Variants in GATA4 observed in about 807,000 individuals in gnomAD.
GATA4 encodes the protein GATA binding protein 4.
GATA4 carries 7 observed loss-of-function variants against 37.9 expected under a neutral mutation model. The observed-to-expected ratio is 0.18, with a 90% CI of 0.11 to 0.35. GATA4 has a LOEUF of 0.35. GATA4 is among the 10% of genes least tolerant of loss of function. The pLI is 1.00. For synonymous variants in GATA4, 372 were observed against 292.6 expected (o/e 1.27, Z -2.77); for missense variants, 647 against 653.0 (o/e 0.99, Z 0.10).
intron 1 of GATA4, among the ~76,000 whole-genome samples, chr8:11,682,563 G>GT (rs1304677614): frequency 2.0e-5 from 3 of 151,852 alleles, no homozygotes; most frequent in Admixed American, 2.0e-4. Context: ...CTTGTAAGAA[G>GT]TTTTTTTCCC....
chr8:11,747,618 G>T (rs1585682106), intron 2 of GATA4, among the ~76,000 whole-genome samples: 1 of 152,202 alleles, frequency 6.6e-6, no homozygotes, highest in African/African-American at 2.4e-5. Context: ...CAAATTCCAA[G>T]AACTGAAAAA....
In GATA4 at chr8:11,708,036, T is replaced by TG; in HGVS notation, c.-273dup. ...ATAGGTGCGCCGGACCTTCAGGCCC[T>TG]GGGGTGAATTCAGCTGCTCCTACAT... is the stretch of plus-strand genomic sequence containing the variant. On this transcript the variant is annotated 5_prime_UTR_variant, in exon 2 of 7. Transcript: ENST00000532059. The surrounding 1 kb of genome is among the most constrained non-coding windows in gnomAD (Gnocchi z 6.7). 1 of 489,586 alleles carries TG rather than the reference T, an allele frequency of 2.0e-6. No homozygotes were observed. Among genetic ancestry groups the TG allele is most frequent in the Non-Finnish European group, 3.8e-6 (1 of 263,598 alleles). The allele number at this position is 489,586 out of a possible 1,614,324, so 30.3% of individuals were successfully genotyped here.
intron 4 of GATA4, among the ~76,000 whole-genome samples, chr8:11,751,431 A>G (rs960875471): frequency 5.3e-5 from 8 of 152,236 alleles, no homozygotes; most frequent in Non-Finnish European, 1.2e-4. Flanking sequence ...ATATATACGT[A>G]CATGGGGTGC....
chr8:11,714,451 C>G (rs1203095279), intron 2 of GATA4, among the ~76,000 whole-genome samples: 1 of 152,128 alleles, frequency 6.6e-6, no homozygotes, highest in Non-Finnish European at 1.5e-5. Context: ...GCTTTCAAAG[C>G]CGGTTCATTT....
At chr8:11,727,694 A>G (rs1371455619) in intron 2 of GATA4, among the ~76,000 whole-genome samples, 2 of 152,012 alleles carry the variant, frequency 1.3e-5, no homozygotes, top group African/African-American at 2.4e-5. Context: ...AATACAAAAA[A>G]TTCGCCCAGT....
intron 5 of GATA4, among the ~76,000 whole-genome samples, chr8:11,755,701 A>G (rs949134245): frequency 6.6e-6 from 1 of 152,222 alleles, no homozygotes; most frequent in African/African-American, 2.4e-5. Flanking sequence ...ATAGAGGACA[A>G]TGATTTAACG....
chr8:11,699,700 C>G (rs1799610703), upstream of GATA4, among the ~76,000 whole-genome samples: 1 of 152,274 alleles, frequency 6.6e-6, no homozygotes, highest in Non-Finnish European at 1.5e-5. Context: ...CAGTCCTAGC[C>G]TCAGCTACGC....
chr8:11,756,836 A>C (rs1446011625), intron 5 of GATA4, 99 bp from the exon 6 acceptor site: 26 of 1,507,860 alleles, frequency 1.7e-5, no homozygotes, highest in Non-Finnish European at 2.1e-5. Flanking sequence ...AATGTAGATA[A>C]AGCCATTAGC....
At chr8:11,694,447 G>C in intron 1 of GATA4, 1 of 984,356 alleles carries the variant, frequency 1.0e-6, no homozygotes, top group African/African-American at 1.7e-5. Context: ...TCTTCCCCCA[G>C]AACATTGCGC....
chr8:11,720,012 T>A (rs1009235191), intron 2 of GATA4, among the ~76,000 whole-genome samples: 2 of 152,176 alleles, frequency 1.3e-5, no homozygotes, highest in African/African-American at 4.8e-5. Flanking sequence ...CGCTGAAATC[T>A]GCTATTTGAA....
At chr8:11,731,189 G>C (rs1172173388) in intron 2 of GATA4, among the ~76,000 whole-genome samples, 1 of 152,210 alleles carries the variant, frequency 6.6e-6, no homozygotes, top group Non-Finnish European at 1.5e-5. Context: ...GGAGTTTCCT[G>C]GCTGGATCAG....
At chr8:11,755,811 T>C (rs1802530958) in intron 5 of GATA4, among the ~76,000 whole-genome samples, 1 of 151,786 alleles carries the variant, frequency 6.6e-6, no homozygotes, top group Non-Finnish European at 1.5e-5. Context: ...TCTTAATTTC[T>C]AGATTAAGAA....
At position 11,758,328 on chromosome 8, in the gene GATA4, C is replaced by G; in HGVS notation, c.1185C>G (p.Pro395=). ...FSVSAMSGHG[P]SIHPVLSALK... Reference sequence around the variant, plus strand: ...TCAGTGCGATGTCTGGCCATGGGCCCTCCATCCACCCTGTCCTCTCGGCCC... The same window carrying G: ...TCAGTGCGATGTCTGGCCATGGGCCGTCCATCCACCCTGTCCTCTCGGCCC... The change falls in exon 7 of 7, where the codon CCC becomes CCG. Residue 395 remains proline (P), a synonymous_variant. Coordinates refer to ENST00000532059, the MANE Select transcript of GATA4 (RefSeq NM_001308093.3). 1 of 1,614,156 alleles carries G rather than the reference C, an allele frequency of 6.2e-7. No individual in the cohort carries two copies. The highest frequency in any genetic ancestry group is 8.5e-7 in the Non-Finnish European group (1 of 1,180,030).
chr8:11,693,051 G>A lies in GATA4; in HGVS notation c.-729+391G>A, dbSNP rs929450133. 1.3e-5 allele frequency: 13 copies of A among 985,318 alleles called. No homozygotes were observed. In the African/African-American group the frequency reaches 2.3e-4, roughly 17 times the overall value. The allele number at this position is 985,318 out of a possible 1,614,324, so 61.0% of individuals were successfully genotyped here. A position where few individuals can be genotyped will look rare whatever the true frequency, so the allele number is the denominator to read the frequency against. The stretch of plus-strand genomic sequence containing the variant: ...AGCGCCTGCGGGGCCTCTGCGTGGA[G>A]TGGGCCGGCAGCGTTTTTCTACCCG... On this transcript the variant is annotated intron_variant, in intron 1 of 2. Transcript: ENST00000526974.
At chr8:11,698,352 C>T (rs180746620) in intron 1 of GATA4, among the ~76,000 whole-genome samples, 3 of 152,342 alleles carry the variant, frequency 2.0e-5, no homozygotes, top group Admixed American at 6.5e-5. Flanking sequence ...GCTGAGTACT[C>T]ATGCCTGTAG....
Position 11,711,329 on chromosome 8 carries a change from G to T in GATA4, c.616+2401G>T, listed in dbSNP as rs146703133. Among the ~76,000 whole-genome samples the T allele has an allele frequency of 5.0e-3, 757 of 152,278 alleles. 7 individuals carry two copies. The highest frequency in any genetic ancestry group is 0.016 in the African/African-American group (676 of 41,548). On this transcript the variant is annotated intron_variant, in intron 2 of 6. Coordinates refer to ENST00000532059, the MANE Select transcript of GATA4 (RefSeq NM_001308093.3). ...ATGAAGTCCACAGCCTTTGAATCTG[G>T]CCTAGAGGGTGGTTTTTCTCTTCTG...
intron 2 of GATA4, among the ~76,000 whole-genome samples, chr8:11,726,734 G>C (rs898441205): frequency 1.3e-5 from 2 of 152,142 alleles, no homozygotes; most frequent in Non-Finnish European, 2.9e-5. Flanking sequence ...GTGGATAGGC[G>C]TGTGCCCCCG....
At chr8:11,740,816 C>T (rs1165705162) in intron 2 of GATA4, among the ~76,000 whole-genome samples, 3 of 152,016 alleles carry the variant, frequency 2.0e-5, no homozygotes, top group Non-Finnish European at 2.9e-5. Flanking sequence ...TCACTGCAAC[C>T]TCTGCCTCCT....
At chr8:11,743,329 T>C (rs980117796) in intron 2 of GATA4, among the ~76,000 whole-genome samples, 39 of 152,244 alleles carry the variant, frequency 2.6e-4, no homozygotes, top group African/African-American at 8.9e-4. Context: ...TGGCAGATAT[T>C]TGAGTTTCAG....
Sources: allele counts gnomAD v4.1 joint callset (sites outside exome capture counted in the v4.1 genomes callset), GRCh38; gene constraint gnomAD v4.1.1; non-coding constraint Gnocchi (gnomAD v3.1); transcripts MANE v1.5; gene names NCBI Gene and HGNC (gene_info 2026-07-23, HGNC 2026-07-21).